Variants in PHACTR1 observed in about 807,000 individuals in gnomAD.
The protein encoded by PHACTR1 is RPEL repeat containing 1.
A neutral mutation model predicts 69.2 loss-of-function variants in PHACTR1; 16 were observed. That is an observed-to-expected ratio of 0.23 (90% CI 0.16 to 0.35). The LOEUF (loss-of-function observed/expected upper bound fraction) is 0.35. PHACTR1 is among the 10% of genes least tolerant of loss of function. The pLI, the probability that PHACTR1 is intolerant of heterozygous loss-of-function variation, is 1.00. For missense variants in PHACTR1, 510 were observed against 734.7 expected, an observed-to-expected ratio of 0.69 and a Z score of 3.54; for synonymous variants, 312 against 284.5, an observed-to-expected ratio of 1.10 and a Z score of -0.97.
At chr6:12,974,020 C>T (rs1186139940) in intron 4 of PHACTR1, among the ~76,000 whole-genome samples, 1 of 142,138 alleles carries the variant, frequency 7.0e-6, no homozygotes, top group East Asian at 2.1e-4. Context: ...CTCCAGGGTT[C>T]AAGCGATTCT....
At chr6:12,993,129 C>A (rs904648773) in intron 4 of PHACTR1, among the ~76,000 whole-genome samples, 1 of 152,158 alleles carries the variant, frequency 6.6e-6, no homozygotes, top group Non-Finnish European at 1.5e-5. Flanking sequence ...ATGCTTGCAG[C>A]TTGATTTTTC....
chr6:12,916,498 C>A (rs9472958), intron 4 of PHACTR1, among the ~76,000 whole-genome samples: 2,195 of 150,712 alleles, frequency 0.015, 50 homozygotes, highest in African/African-American at 0.05. Context: ...CTTGTTTACA[C>A]GTCAGGCTTT....
chr6:12,860,004 C>A (rs114302272), intron 4 of PHACTR1, among the ~76,000 whole-genome samples: 3 of 151,334 alleles, frequency 2.0e-5, no homozygotes, highest in African/African-American at 7.3e-5. Flanking sequence ...TCATCATCAT[C>A]ATTATTATTA....
intron 5 of PHACTR1, among the ~76,000 whole-genome samples, chr6:13,157,014 A>T (rs898755870): frequency 1.3e-5 from 2 of 152,182 alleles, no homozygotes; most frequent in African/African-American, 4.8e-5. Flanking sequence ...TTCATCTTTC[A>T]TATTCTCAAA....
At chr6:12,929,875 C>G (rs966233454) in intron 4 of PHACTR1, among the ~76,000 whole-genome samples, 1 of 152,164 alleles carries the variant, frequency 6.6e-6, no homozygotes, top group Non-Finnish European at 1.5e-5. Context: ...TTCCTGCTTG[C>G]GTAACCATTG....
intron 8 of PHACTR1, among the ~76,000 whole-genome samples, chr6:13,224,499 A>G (rs183367204): frequency 1.8e-4 from 27 of 152,298 alleles, no homozygotes; most frequent in African/African-American, 5.5e-4. Context: ...GGCACGTGAC[A>G]TTATGTTTAA....
At chr6:12,986,670 C>T (rs1352333492) in intron 4 of PHACTR1, among the ~76,000 whole-genome samples, 1 of 152,204 alleles carries the variant, frequency 6.6e-6, no homozygotes, top group Admixed American at 6.5e-5. Flanking sequence ...TGTGCATATG[C>T]ATGCCAGACC....
intron 8 of PHACTR1, among the ~76,000 whole-genome samples, chr6:13,208,400 T>A (rs1422323991): frequency 6.6e-6 from 1 of 152,250 alleles, no homozygotes; most frequent in Non-Finnish European, 1.5e-5. Context: ...TCATTATTTT[T>A]ACATTTGTAT....
chr6:12,918,604 A>G (rs546738807), intron 4 of PHACTR1, among the ~76,000 whole-genome samples: 1 of 152,352 alleles, frequency 6.6e-6, no homozygotes, highest in South Asian at 2.1e-4. Flanking sequence ...TTAAACATTC[A>G]TTAATTTGAT....
chr6:13,183,677 G>T (rs1762467889), intron 7 of PHACTR1, among the ~76,000 whole-genome samples: 1 of 152,284 alleles, frequency 6.6e-6, no homozygotes, highest in African/African-American at 2.4e-5. Context: ...TCTCACTGAG[G>T]CGGTGGCGGG....
intron 4 of PHACTR1, among the ~76,000 whole-genome samples, chr6:12,847,962 T>G (rs956829949): frequency 6.6e-6 from 1 of 152,208 alleles, no homozygotes; most frequent in Non-Finnish European, 1.5e-5. Flanking sequence ...TATCTTTTAT[T>G]TGAACTTTGA....
intron 6 of PHACTR1, among the ~76,000 whole-genome samples, chr6:13,178,849 C>T (rs534145591): frequency 6.6e-6 from 1 of 152,302 alleles, no homozygotes; most frequent in East Asian, 1.9e-4. Context: ...ACAGATAATG[C>T]CTAAGCCTCA....
At chr6:12,854,679 C>T (rs1780165864) in intron 4 of PHACTR1, among the ~76,000 whole-genome samples, 1 of 152,106 alleles carries the variant, frequency 6.6e-6, no homozygotes, top group South Asian at 2.1e-4. Context: ...AAGGAACTTA[C>T]ACTAATCAAC....
At chr6:13,195,414 C>T (rs759038231) in intron 7 of PHACTR1, among the ~76,000 whole-genome samples, 7 of 152,014 alleles carry the variant, frequency 4.6e-5, no homozygotes, top group Non-Finnish European at 8.8e-5. Context: ...AAGTAACTGC[C>T]GATACAGCAG....
At chr6:12,824,207 G>C (rs1001988445) in intron 4 of PHACTR1, among the ~76,000 whole-genome samples, 1 of 152,166 alleles carries the variant, frequency 6.6e-6, no homozygotes, top group African/African-American at 2.4e-5. Flanking sequence ...CTCCTAATGA[G>C]AATCTAATGT....
chr6:13,203,218 A>C (rs1765461946), intron 7 of PHACTR1, among the ~76,000 whole-genome samples: 2 of 152,350 alleles, frequency 1.3e-5, no homozygotes, highest in African/African-American at 4.8e-5. Context: ...TTCTGTAAAC[A>C]TGATTTGCAT....
Position 13,283,487 on chromosome 6 carries a change from C to A in PHACTR1, c.1575C>A (p.Tyr525Ter), listed in dbSNP as rs747270445. 1 of 1,613,932 alleles carries A rather than the reference C, an allele frequency of 6.2e-7. No individual in the cohort carries two copies. The highest frequency in any genetic ancestry group is 8.5e-7 in the Non-Finnish European group (1 of 1,179,862). Reference sequence around the variant, plus strand: ...AGATCCTCATCCGCTTCAGTGACTACGTGGAGGTGGCTGACGCTCAGGACT... The same window carrying A: ...AGATCCTCATCCGCTTCAGTGACTAAGTGGAGGTGGCTGACGCTCAGGACT... ...ERKILIRFSD[Y>*]VEVADAQDYD... is the part of the protein sequence containing the mutation. Residue 525 changes from tyrosine (Y) to a stop codon, truncating the protein, a stop_gained, in exon 13 of 15, where the codon TAC becomes TAA. Transcript: ENST00000332995. LOFTEE classifies it high-confidence loss of function. The surrounding 1 kb of genome is among the most constrained non-coding windows in gnomAD (Gnocchi z 4.7).
chr6:12,757,915 G>A (rs557405449), intron 4 of PHACTR1, among the ~76,000 whole-genome samples: 68 of 152,048 alleles, frequency 4.5e-4, no homozygotes, highest in Middle Eastern at 6.8e-3. Flanking sequence ...AGTTCGAGAC[G>A]AGCCTGGCCA....
chr6:13,162,357 C>T (rs1759164398), intron 6 of PHACTR1, among the ~76,000 whole-genome samples: 1 of 152,000 alleles, frequency 6.6e-6, no homozygotes, highest in Non-Finnish European at 1.5e-5. Context: ...AAACTCCTGA[C>T]CTCAGGTGAT....
Sources: allele counts gnomAD v4.1 joint callset (sites outside exome capture counted in the v4.1 genomes callset), GRCh38; gene constraint gnomAD v4.1.1; non-coding constraint Gnocchi (gnomAD v3.1); transcripts MANE v1.5; gene names NCBI Gene and HGNC (gene_info 2026-07-23, HGNC 2026-07-21).